The following IL32 variants were observed in gnomAD, a reference collection of about 807,000 sequenced individuals.
IL32 encodes interleukin 32.
Under a neutral mutation model 16.6 loss-of-function variants are expected in IL32, and 30 were observed. The observed-to-expected ratio is 1.81, with a 90% CI of 1.35 to 2.45. The LOEUF (loss-of-function observed/expected upper bound fraction) is 2.45. Among genes scored for constraint, IL32 ranks in the 30% most tolerant of loss-of-function variants. The probability of loss-of-function intolerance (pLI) is 0.00; values close to 1 mark genes in which losing one functional copy is unlikely to be tolerated. For missense variants in IL32, 234 were observed against 229.8 expected, an observed-to-expected ratio of 1.02 and a Z score of -0.12; for synonymous variants, 70 against 86.1, an observed-to-expected ratio of 0.81 and a Z score of 1.03.
intron 2 of IL32, 69 bp from the exon 3 acceptor site, chr16:3,067,308 T>TGTGTGTGTGTGTGC (rs1318792288): frequency 5.3e-6 from 4 of 748,482 alleles, no homozygotes; most frequent in Non-Finnish European, 9.1e-6. Flanking sequence ...TGTGTGTGTG[T>TGTGTGTGTGTGTGC]GTATAAATTA....
At chr16:3,067,795 G>C (rs539743257) in intron 4 of IL32, 182 bp downstream of exon 4, 1 of 805,300 alleles carries the variant, frequency 1.2e-6, no homozygotes, top group Non-Finnish European at 2.0e-6. Context: ...GACGCCCGGG[G>C]AGACTGAGGG....
rs371234723 is a variant in IL32, at chr16:3,065,745, A to G, written c.-28-39A>G. 7 of 1,605,162 alleles carry G rather than the reference A, an allele frequency of 4.4e-6. No homozygotes were observed. In the African/African-American group the frequency reaches 8.0e-5, roughly 18 times the overall value. The stretch of plus-strand genomic sequence containing the variant: ...CTCTGGGGAGGAGGGTGCTTCTCTG[A>G]GACACTTTCTTTTCCTCACACCTGT... On this transcript the variant is annotated intron_variant, in intron 1 of 6. Transcript: ENST00000525643.
chr16:3,067,754 G>C (rs1051976366), intron 4 of IL32, 141 bp downstream of exon 4: 1 of 854,442 alleles, frequency 1.2e-6, no homozygotes, highest in Non-Finnish European at 1.9e-6. Flanking sequence ...CTTGCACCTG[G>C]GTGGCAGTGA....
At chr16:3,068,717 C>G (rs573675555) in intron 6 of IL32, 2 of 513,238 alleles carry the variant, frequency 3.9e-6, no homozygotes, top group Non-Finnish European at 7.0e-6. Flanking sequence ...CATGGCCTCA[C>G]TCCTCACACA....
chr16:3,068,481 G>C (rs1488208508), intron 6 of IL32: 7 of 527,130 alleles, frequency 1.3e-5, no homozygotes, highest in African/African-American at 7.7e-5. Context: ...GATTTTTTTT[G>C]TGTGTGTTTT....
chr16:3,068,494 G>A, intron 6 of IL32: 1 of 506,586 alleles, frequency 2.0e-6, no homozygotes, highest in Non-Finnish European at 3.6e-6. Flanking sequence ...TGTGTTTTTA[G>A]TAGAGACCAG....
At chr16:3,068,856 G>T in intron 6 of IL32, 134 bp from the exon 7 acceptor site, 1 of 1,411,190 alleles carries the variant, frequency 7.1e-7, no homozygotes. Context: ...TGCCCACGGG[G>T]CTGTGGTTGG....
chr16:3,066,390 C>G lies in IL32; in HGVS notation c.15+564C>G, dbSNP rs1487053179. 3.9e-5 allele frequency among the ~76,000 whole-genome samples: 6 copies of G among 152,370 alleles called. No homozygotes were observed. The East Asian group carries it at 5.8e-4, about 15-fold the overall frequency. On this transcript the variant is annotated intron_variant, in intron 2 of 6. Transcript: ENST00000525643. Reference sequence around the variant, plus strand: ...ATGTCGGCACGGTGCTGCTTTCACCCTGGTTCCTGGGAAATCAGGCTAGCG... The same window carrying G: ...ATGTCGGCACGGTGCTGCTTTCACCGTGGTTCCTGGGAAATCAGGCTAGCG...
At chr16:3,065,535 CTCTG>C (rs1003314692), upstream of IL32, 17 of 578,720 alleles carry the variant, frequency 2.9e-5, no homozygotes, top group African/African-American at 1.5e-4. Flanking sequence ...CTGTCTCTGT[CTCTG>C]TCTGTTTTTC....
rs370226158 is a variant in IL32, at chr16:3,067,981, C to A, written c.115-3C>A. On this transcript the variant is annotated splice_polypyrimidine_tract_variant and splice_region_variant and intron_variant, in intron 4 of 6. Transcript: ENST00000525643. The stretch of plus-strand genomic sequence containing the variant: ...CTGGAACCGAGTGCTTTGTTCCTAA[C>A]AGGTGATGTCGAGCCTGGCAGAGCT... The A allele has an allele frequency of 3.0e-5, 48 of 1,614,096 alleles. No individual in the cohort carries two copies. The South Asian group carries it at 3.4e-4, about 11-fold the overall frequency.
In IL32 at chr16:3,067,760, A is replaced by C; in HGVS notation, c.114+147A>C. On this transcript the variant is annotated intron_variant, in intron 4 of 6. Transcript: ENST00000525643. ...GGGCAAATGCTTGCACCTGGGTGGC[A>C]GTGAGTGGGCGGGTGGGGGATCTGG... 5 of 837,568 alleles carry C rather than the reference A, an allele frequency of 6.0e-6. No individual in the cohort carries two copies. The South Asian group carries it at 6.2e-5, about 10-fold the overall frequency. 51.9% of individuals were successfully genotyped at this position (837,568 alleles called of 1,614,324 possible).
intron 6 of IL32, chr16:3,068,540 T>G (rs1020277750): frequency 4.6e-6 from 2 of 437,070 alleles, no homozygotes; most frequent in Non-Finnish European, 8.5e-6. Flanking sequence ...CTTGAACTCC[T>G]AACCTTGTGT....
In IL32 at chr16:3,069,255, C is replaced by A. The variant is rs955913137; in HGVS notation, c.467C>A (p.Ser156Ter). 2.5e-6 allele frequency: 4 copies of A among 1,614,264 alleles called. No homozygotes were observed. Among genetic ancestry groups the A allele is most frequent in the Non-Finnish European group, 3.4e-6 (4 of 1,180,056 alleles). The change falls in exon 7 of 7, where the codon TCA (serine) becomes TAA (stop). Residue 156 changes from serine (S) to a stop codon, truncating the protein, a stop_gained. Coordinates refer to ENST00000525643, the MANE Select transcript of IL32 (RefSeq NM_001376923.1). LOFTEE classifies it low-confidence loss of function (END_TRUNC). Reference sequence around the variant, plus strand: ...TTCCAGAGTTTCTGCTGCTCTCTGTCAGAGCTCTTCATGTCCTCTTTCCAG... The same window carrying A: ...TTCCAGAGTTTCTGCTGCTCTCTGTAAGAGCTCTTCATGTCCTCTTTCCAG... Reference protein sequence around the residue: ...KQFQSFCCSLSELFMSSFQSY... With the variant: ...KQFQSFCCSL
chr16:3,066,011 G>A (rs929967913), intron 2 of IL32, among the ~76,000 whole-genome samples, 185 bp downstream of exon 2: 4 of 152,170 alleles, frequency 2.6e-5, no homozygotes, highest in East Asian at 1.9e-4. Context: ...TGTCGGGGGC[G>A]CTGGAGAACG....
chr16:3,067,952 G>C (rs760340317), intron 4 of IL32, 32 bp from the exon 5 acceptor site: 19 of 1,613,554 alleles, frequency 1.2e-5, no homozygotes, highest in East Asian at 4.5e-5. Context: ...GAGGAGGCTT[G>C]GGCCTGGAAC....
rs1185714861 is a variant in IL32, at chr16:3,067,539, T to C, written c.55-15T>C. 1.2e-6 allele frequency: 2 copies of C among 1,614,086 alleles called. No homozygotes were observed. Among genetic ancestry groups the C allele is most frequent in the Non-Finnish European group, 1.7e-6 (2 of 1,179,998 alleles). On this transcript the variant is annotated splice_polypyrimidine_tract_variant and intron_variant, in intron 3 of 6. Transcript: ENST00000525643. ...GGATCCGGCCCTTTGGTGCCAACTCTGCCTCTCTTCACAGCACCAGGCCAT... is the reference window on the plus strand; with the variant it reads ...GGATCCGGCCCTTTGGTGCCAACTCCGCCTCTCTTCACAGCACCAGGCCAT...
At chr16:3,066,007 G>A (rs1221320288) in intron 2 of IL32, among the ~76,000 whole-genome samples, 181 bp downstream of exon 2, 1 of 152,154 alleles carries the variant, frequency 6.6e-6, no homozygotes, top group Admixed American at 6.5e-5. Context: ...TATGTGTCGG[G>A]GGCGCTGGAG....
chr16:3,067,846 G>A (rs555092178), intron 4 of IL32, 138 bp from the exon 5 acceptor site: 3 of 1,029,846 alleles, frequency 2.9e-6, no homozygotes, highest in Admixed American at 3.9e-5. Context: ...AACAACAGGG[G>A]TGCCAGACGT....
At chr16:3,067,301 G>A in intron 2 of IL32, 76 bp from the exon 3 acceptor site, 1 of 719,324 alleles carries the variant, frequency 1.4e-6, no homozygotes, top group Non-Finnish European at 2.4e-6. Context: ...GTGTGTGTGT[G>A]TGTGTGTGTA....
Sources: allele counts gnomAD v4.1 joint callset (sites outside exome capture counted in the v4.1 genomes callset), GRCh38; gene constraint gnomAD v4.1.1; transcripts MANE v1.5; gene names NCBI Gene and HGNC (gene_info 2026-07-23, HGNC 2026-07-21).